ALPK1: variants seen among roughly 807,000 people sequenced by gnomAD.
ALPK1 encodes alpha-protein kinase 1.
In ALPK1, 110 loss-of-function variants were observed where a neutral mutation model predicts 120.6. The observed-to-expected ratio is 0.91, with a 90% CI of 0.78 to 1.07. The LOEUF is 1.07. Ranked by LOEUF, ALPK1 falls within the 50% of genes least tolerant of loss-of-function variation. The pLI is 0.00. For synonymous variants in ALPK1, 582 were observed against 560.3 expected, an observed-to-expected ratio of 1.04 and a Z score of -0.55; for missense variants, 1,498 against 1,483.9, an observed-to-expected ratio of 1.01 and a Z score of -0.16.
chr4:112,377,550 C>T (rs909110037), intron 2 of ALPK1, 128 bp from the exon 3 acceptor site: 2 of 322,950 alleles, frequency 6.2e-6, no homozygotes, highest in Non-Finnish European at 1.2e-5. Context: ...TCACACACTC[C>T]TCTAATAAAG....
At chr4:112,372,071 T>A (rs759488226) in intron 2 of ALPK1, among the ~76,000 whole-genome samples, 26 of 152,238 alleles carry the variant, frequency 1.7e-4, no homozygotes, top group Non-Finnish European at 3.5e-4. Context: ...AAATATCTGT[T>A]GAACACTCTT....
rs543728211 is a variant in ALPK1 at position 112,301,840 on chromosome 4, C to T, written c.-153+4371C>T. Among the ~76,000 whole-genome samples the T allele has an allele frequency of 5.9e-5, 9 of 152,242 alleles. No homozygotes were observed. In the South Asian group the frequency reaches 6.2e-4, roughly 11 times the overall value. On this transcript the variant is annotated intron_variant, in intron 1 of 15. Transcript: ENST00000650871. ...TGATCACGGCTCATTGCAAGTTCTACGTCCTGGGCTAGGCTCACATTTTAG... is the reference window on the plus strand; with the variant it reads ...TGATCACGGCTCATTGCAAGTTCTATGTCCTGGGCTAGGCTCACATTTTAG...
In ALPK1 at chr4:112,347,495, T is replaced by C. The variant is rs77815638; in HGVS notation, c.-100-30183T>C. 5.6e-3 allele frequency among the ~76,000 whole-genome samples: 848 copies of C among 152,380 alleles called. 8 individuals are homozygous for C. The highest frequency in any genetic ancestry group is 0.019 in the African/African-American group (800 of 41,598). On this transcript the variant is annotated intron_variant, in intron 2 of 15. Coordinates refer to ENST00000650871, the MANE Select transcript of ALPK1 (RefSeq NM_025144.4). ...ATACCTTTTCTTCTAAGTAGTATAA[T>C]AGTAGGAAGGATGGAATGAATTCTC...
chr4:112,396,554 T>A (rs1053381615), intron 4 of ALPK1, among the ~76,000 whole-genome samples: 8 of 152,316 alleles, frequency 5.3e-5, no homozygotes, highest in Non-Finnish European at 8.8e-5. Flanking sequence ...ATTCACTTTT[T>A]AAAATGTTAG....
chr4:112,299,007 A>C (rs1043371811), intron 1 of ALPK1, among the ~76,000 whole-genome samples: 27 of 152,288 alleles, frequency 1.8e-4, no homozygotes, highest in African/African-American at 6.3e-4. Flanking sequence ...TGAAATTTTG[A>C]ATATCTATGG....
intron 4 of ALPK1, among the ~76,000 whole-genome samples, chr4:112,407,525 C>A (rs1733240515): frequency 6.6e-6 from 1 of 152,072 alleles, no homozygotes; most frequent in Non-Finnish European, 1.5e-5. Flanking sequence ...GAGAGAGAGA[C>A]TTGAATTTTT....
In ALPK1 at chr4:112,353,543, T is replaced by C. The variant is rs549018032; in HGVS notation, c.-100-24135T>C. On this transcript the variant is annotated intron_variant, in intron 2 of 15. Transcript: ENST00000650871. ...TAACACTGACTGTTCTTGATGATTG[T>C]TATTATCCATTTACTTTTTTTTCAA... 1.1e-4 allele frequency among the ~76,000 whole-genome samples: 17 copies of C among 152,276 alleles called. No individual in the cohort carries two copies. The South Asian group carries it at 2.9e-3, about 26-fold the overall frequency.
At chr4:112,416,310 A>G (rs750365806) in intron 5 of ALPK1, among the ~76,000 whole-genome samples, 5 of 152,196 alleles carry the variant, frequency 3.3e-5, no homozygotes, top group Non-Finnish European at 7.3e-5. Flanking sequence ...AGTTTCTCAG[A>G]TGTTCCAACC....
At chr4:112,336,582 T>C (rs1729631505) in intron 2 of ALPK1, among the ~76,000 whole-genome samples, 1 of 152,118 alleles carries the variant, frequency 6.6e-6, no homozygotes, top group South Asian at 2.1e-4. Flanking sequence ...ATTTTAAGGG[T>C]ATAATTAAAG....
At chr4:112,381,234 C>T (rs978803616) in intron 3 of ALPK1, among the ~76,000 whole-genome samples, 1 of 152,158 alleles carries the variant, frequency 6.6e-6, no homozygotes, top group Non-Finnish European at 1.5e-5. Context: ...GATTTGACAA[C>T]CAATTAGGTT....
At position 112,359,270 on chromosome 4, in the gene ALPK1, C is replaced by T. The variant is rs557767159; in HGVS notation, c.-100-18408C>T. 250 of 505,772 alleles carry T rather than the reference C, an allele frequency of 4.9e-4. 1 individual carries two copies. In the Middle Eastern group the frequency reaches 0.014, roughly 29 times the overall value. The allele number at this position is 505,772 out of a possible 1,614,324, so 31.3% of individuals were successfully genotyped here. A position where few individuals can be genotyped will look rare whatever the true frequency, so the allele number is the denominator to read the frequency against. ...GGAAGCAGGGCCAGCATGCCATGAG[C>T]GCCTACCTGGAAGATGCCTGCAGGG... On this transcript the variant is annotated intron_variant, in intron 2 of 15. Coordinates refer to ENST00000650871, the MANE Select transcript of ALPK1 (RefSeq NM_025144.4).
chr4:112,377,839 T>C lies in ALPK1; in HGVS notation c.62T>C (p.Leu21Pro). The change falls in exon 3 of 16, where the codon CTC (leucine) becomes CCC (proline). Residue 21 changes from leucine (L) to proline (P), a missense_variant. By Grantham distance (98) the Leu-to-Pro change is moderately conservative. Coordinates refer to ENST00000650871, the MANE Select transcript of ALPK1 (RefSeq NM_025144.4). ...LQECKQVLDQLLLEAPDVSEE... is the reference protein window; with the variant it reads ...LQECKQVLDQPLLEAPDVSEE... ...GAGTGCAAGCAAGTGCTGGATCAGC[T>C]CTTGTTGGAAGCGCCAGATGTGTCG... is the stretch of plus-strand genomic sequence containing the variant. 6.2e-7 allele frequency: 1 copy of C among 1,613,526 alleles called. No homozygotes were observed. Among genetic ancestry groups the C allele is most frequent in the East Asian group, 2.2e-5 (1 of 44,826 alleles).
chr4:112,427,528 T>G, intron 8 of ALPK1, 42 bp from the exon 9 acceptor site: 1 of 1,434,720 alleles, frequency 7.0e-7, no homozygotes. Context: ...AGTAATCCAC[T>G]GTGAATTCCC....
chr4:112,324,021 C>G (rs1263877320), intron 2 of ALPK1, among the ~76,000 whole-genome samples: 1 of 152,204 alleles, frequency 6.6e-6, no homozygotes, highest in African/African-American at 2.4e-5. Context: ...AGGGAGCCCA[C>G]TGCTTTTATA....
intron 2 of ALPK1, among the ~76,000 whole-genome samples, chr4:112,376,078 C>A (rs973685064): frequency 1.3e-5 from 2 of 152,040 alleles, no homozygotes; most frequent in African/African-American, 4.8e-5. Context: ...GTTTGTGGTG[C>A]CCCAAAATAA....
intron 4 of ALPK1, among the ~76,000 whole-genome samples, chr4:112,400,600 C>A (rs1384348708): frequency 6.6e-6 from 1 of 152,120 alleles, no homozygotes; most frequent in Non-Finnish European, 1.5e-5. Context: ...TAGGTAGAAG[C>A]TCAGGTTAGG....
At chr4:112,349,560 C>CG (rs1553939344) in intron 2 of ALPK1, among the ~76,000 whole-genome samples, 5 of 146,614 alleles carry the variant, frequency 3.4e-5, no homozygotes, top group East Asian at 4.1e-4. Flanking sequence ...TGCCCCCCCC[C>CG]GCTTTATTTT....
intron 1 of ALPK1, among the ~76,000 whole-genome samples, chr4:112,305,100 T>A (rs1727975702): frequency 6.6e-6 from 1 of 152,126 alleles, no homozygotes; most frequent in Non-Finnish European, 1.5e-5. Flanking sequence ...TTCTGTTCCA[T>A]TGATCTATAT....
At chr4:112,411,549 G>T (rs1358955781) in intron 4 of ALPK1, among the ~76,000 whole-genome samples, 2 of 152,130 alleles carry the variant, frequency 1.3e-5, no homozygotes, top group African/African-American at 4.8e-5. Context: ...ATGCGCTTTA[G>T]TATTGTTTGA....
Sources: allele counts gnomAD v4.1 joint callset (sites outside exome capture counted in the v4.1 genomes callset), GRCh38; gene constraint gnomAD v4.1.1; transcripts MANE v1.5; gene names NCBI Gene and HGNC (gene_info 2026-07-23, HGNC 2026-07-21).